HIPK4: variants seen among roughly 807,000 people sequenced by gnomAD.
HIPK4 encodes the protein homeodomain-interacting protein kinase 4.
Under a neutral mutation model 44.8 loss-of-function variants are expected in HIPK4, and 26 were observed. The observed-to-expected ratio is 0.58, with a 90% CI of 0.43 to 0.80. The LOEUF is 0.80. HIPK4 is among the 30% of genes least tolerant of loss of function. HIPK4 has a pLI of 0.00. For missense variants in HIPK4, 729 were observed against 862.6 expected (o/e 0.85, Z 1.94); for synonymous variants, 340 against 355.5 (o/e 0.96, Z 0.49).
chr19:40,385,118 G>A (rs1006414586), intron 1 of HIPK4, among the ~76,000 whole-genome samples: 1 of 152,084 alleles, frequency 6.6e-6, no homozygotes, highest in Non-Finnish European at 1.5e-5. Context: ...CCCGACCCTG[G>A]TCCTATCCTG....
chr19:40,388,920 A>G (rs1416771737), intron 1 of HIPK4, among the ~76,000 whole-genome samples: 3 of 152,216 alleles, frequency 2.0e-5, no homozygotes, highest in African/African-American at 7.2e-5. Flanking sequence ...GTGGTGGCTC[A>G]CGCCTGTAAT....
Position 40,390,133 on chromosome 19 carries a change from G to C in HIPK4, c.-231C>G. ...CCCTCCCCAGAAACCCTCCTGGCTT[G>C]GGATGAGGGGCCCCAGGCCCCACCG... On this transcript the variant is annotated 5_prime_UTR_variant, in exon 1 of 4. Coordinates refer to ENST00000291823, the MANE Select transcript of HIPK4 (RefSeq NM_144685.5). The C allele has an allele frequency of 1.8e-6, 1 of 564,166 alleles. No homozygotes were observed. The highest frequency in any genetic ancestry group is 3.2e-6 in the Non-Finnish European group (1 of 314,708). 34.9% of individuals were successfully genotyped at this position (564,166 alleles called of 1,614,324 possible).
At chr19:40,384,686 A>G (rs1264055633) in intron 1 of HIPK4, among the ~76,000 whole-genome samples, 6 of 143,062 alleles carry the variant, frequency 4.2e-5, no homozygotes, top group South Asian at 2.2e-4. Flanking sequence ...ATCTTGGCTC[A>G]TTGCAACCTC....
Position 40,380,656 on chromosome 19 carries a change from G to C in HIPK4, c.1335C>G (p.Thr445=), listed in dbSNP as rs756002662. 1.4e-5 allele frequency: 22 copies of C among 1,613,830 alleles called. No homozygotes were observed. Among genetic ancestry groups the C allele is most frequent in the Non-Finnish European group, 1.8e-5 (21 of 1,179,958 alleles). The part of the protein sequence containing the change: ...QEAGHGLWGE[T]CTNAVSDMMV... ...TCATGTCGGAGACCGCATTGGTGCA[G>C]GTCTCACCCCACAGCCCATGCCCAG... Residue 445 remains threonine, a synonymous_variant, in exon 3 of 4, where the codon ACC becomes ACG. Transcript: ENST00000291823. The surrounding 1 kb of genome is among the most constrained non-coding windows in gnomAD (Gnocchi z 4.2).
rs796360877 is a variant in HIPK4 at position 40,382,782 on chromosome 19, T to C, written c.822+1001A>G. On this transcript the variant is annotated intron_variant, in intron 2 of 3. Coordinates refer to ENST00000291823, the MANE Select transcript of HIPK4 (RefSeq NM_144685.5). ...TATTTTTTTGGCCGAGCGCGGTGGC[T>C]CATGCCTGTAATCTCACTGCTTTGG... 1.1e-4 allele frequency among the ~76,000 whole-genome samples: 17 copies of C among 152,072 alleles called. No individual in the cohort carries two copies. In the East Asian group the frequency reaches 1.9e-3, roughly 17 times the overall value.
chr19:40,379,869 G>C, intron 3 of HIPK4, 100 bp from the exon 4 acceptor site: 1 of 1,272,480 alleles, frequency 7.9e-7, no homozygotes, highest in Non-Finnish European at 1.1e-6. Flanking sequence ...GCATGTGCTA[G>C]GGTCTTACCA....
At chr19:40,382,783 C>G (rs1286003259) in intron 2 of HIPK4, among the ~76,000 whole-genome samples, 1 of 151,752 alleles carries the variant, frequency 6.6e-6, no homozygotes, top group Non-Finnish European at 1.5e-5. Flanking sequence ...CGCGGTGGCT[C>G]ATGCCTGTAA....
chr19:40,385,241 G>A (rs1460945168), intron 1 of HIPK4, among the ~76,000 whole-genome samples: 10 of 152,140 alleles, frequency 6.6e-5, no homozygotes, highest in African/African-American at 2.4e-5. Context: ...GTGGCCGCCC[G>A]GGATAGATTG....
chr19:40,385,683 CTTTTTTTTT>C (rs142414559), intron 1 of HIPK4, among the ~76,000 whole-genome samples: 8 of 67,038 alleles, frequency 1.2e-4, no homozygotes, highest in Non-Finnish European at 1.7e-4. Context: ...CTTTTCTTTT[CTTTTTTTTT>C]TTTTTTTTTT....
chr19:40,379,829 G>A (rs1184430879), intron 3 of HIPK4, 60 bp from the exon 4 acceptor site: 6 of 1,530,574 alleles, frequency 3.9e-6, no homozygotes, highest in Non-Finnish European at 5.3e-6. Context: ...TGTCTGCTGA[G>A]CCTCTGTCAC....
chr19:40,388,530 T>C (rs913164376), intron 1 of HIPK4, among the ~76,000 whole-genome samples: 2 of 152,134 alleles, frequency 1.3e-5, no homozygotes, highest in Non-Finnish European at 2.9e-5. Context: ...TCCCCTGCTG[T>C]GTTTGTGGAA....
chr19:40,388,272 C>A (rs942788585), intron 1 of HIPK4, among the ~76,000 whole-genome samples: 8 of 152,164 alleles, frequency 5.3e-5, no homozygotes, highest in Non-Finnish European at 1.2e-4. Context: ...CCCGCCTCGG[C>A]CTCCCAAAGT....
rs2079351415 is a variant in HIPK4, at chr19:40,384,072, G to T, written c.533C>A (p.Ser178Ter). 2 of 1,612,876 alleles carry T rather than the reference G, an allele frequency of 1.2e-6. No homozygotes were observed. Among genetic ancestry groups the T allele is most frequent in the African/African-American group, 1.3e-5 (1 of 75,018 alleles). Reference protein sequence around the residue: ...VRYVKEPYIQSRFYRAPEILL... With the variant: ...VRYVKEPYIQ ...GATCTCAGGGGCCCGGTAGAAGCGC[G>T]ACTGGATGTATGGCTCCTTCACGTA... Residue 178 changes from serine (S) to a stop codon, truncating the protein, a stop_gained, in exon 2 of 4, where the codon TCG becomes TAG. Coordinates refer to ENST00000291823, the MANE Select transcript of HIPK4 (RefSeq NM_144685.5). LOFTEE classifies it high-confidence loss of function.
chr19:40,380,318 C>T lies in HIPK4; in HGVS notation c.1668+5G>A, dbSNP rs1286853606. On this transcript the variant is annotated splice_donor_5th_base_variant and intron_variant, in intron 3 of 3. Transcript: ENST00000291823. The surrounding 1 kb of genome is among the most constrained non-coding windows in gnomAD (Gnocchi z 4.2). ...CTAATCGTATCCTGAACGCACCCGG[C>T]TCACCTCAGCTTCCATGGTCATGTT... The T allele has an allele frequency of 6.2e-7, 1 of 1,611,720 alleles. No individual in the cohort carries two copies. Among genetic ancestry groups the T allele is most frequent in the Non-Finnish European group, 8.5e-7 (1 of 1,178,006 alleles).
intron 1 of HIPK4, among the ~76,000 whole-genome samples, chr19:40,384,685 C>T (rs2079355164): frequency 6.7e-6 from 1 of 149,760 alleles, no homozygotes; most frequent in Admixed American, 6.8e-5. Flanking sequence ...AATCTTGGCT[C>T]ATTGCAACCT....
In HIPK4 at chr19:40,380,389, C is replaced by CT; in HGVS notation, c.1601dup (p.Pro535AlafsTer9). On this transcript the variant is annotated frameshift_variant, in exon 3 of 4. Transcript: ENST00000291823. LOFTEE classifies it high-confidence loss of function. The surrounding 1 kb of genome is among the most constrained non-coding windows in gnomAD (Gnocchi z 4.2). Reference sequence around the variant, plus strand: ...CATCTCGCTGCAGGATGGCCAGTGGCTCAGCAGAGGCCCCGAGATGCTCTC... The same window carrying CT: ...CATCTCGCTGCAGGATGGCCAGTGGCTTCAGCAGAGGCCCCGAGATGCTCTC... 6.2e-7 allele frequency: 1 copy of CT among 1,614,236 alleles called. No homozygotes were observed. The highest frequency in any genetic ancestry group is 8.5e-7 in the Non-Finnish European group (1 of 1,180,042).
At chr19:40,388,414 G>A (rs1250933660) in intron 1 of HIPK4, among the ~76,000 whole-genome samples, 2 of 152,196 alleles carry the variant, frequency 1.3e-5, no homozygotes, top group Non-Finnish European at 2.9e-5. Context: ...CCAAGAGGCT[G>A]AGTGACCCTG....
At position 40,380,258 on chromosome 19, in the gene HIPK4, A is replaced by C; in HGVS notation, c.1668+65T>G. ...CTCCTCACACACTAATCATATCCTG[A>C]GCACGGGTGAGTGTGTGCTGAGCCT... On this transcript the variant is annotated intron_variant, in intron 3 of 3. Transcript: ENST00000291823. The surrounding 1 kb of genome is among the most constrained non-coding windows in gnomAD (Gnocchi z 4.2). 1 of 1,534,422 alleles carries C rather than the reference A, an allele frequency of 6.5e-7. No individual in the cohort carries two copies. Among genetic ancestry groups the C allele is most frequent in the East Asian group, 2.3e-5 (1 of 44,328 alleles).
chr19:40,383,792 G>A lies in HIPK4; in HGVS notation c.813C>T (p.Ala271=), dbSNP rs771130701. The change falls in exon 2 of 4, where the codon GCC becomes GCT. Residue 271 remains alanine (A), a synonymous_variant. Coordinates refer to ENST00000291823, the MANE Select transcript of HIPK4 (RefSeq NM_144685.5). The part of the protein sequence containing the change: ...WQLKSSADYL[A]ETKVRPLERR... ...CCAACTTTTCCCTTACCTTCGTCTC[G>A]GCCAGGTAGTCAGCCGAGGACTTGA... 5.0e-6 allele frequency: 8 copies of A among 1,604,968 alleles called. No homozygotes were observed. The highest frequency in any genetic ancestry group is 2.2e-5 in the East Asian group (1 of 44,624).
Sources: allele counts gnomAD v4.1 joint callset (sites outside exome capture counted in the v4.1 genomes callset), GRCh38; gene constraint gnomAD v4.1.1; non-coding constraint Gnocchi (gnomAD v3.1); transcripts MANE v1.5; gene names NCBI Gene and HGNC (gene_info 2026-07-23, HGNC 2026-07-21).